TCF7L2: variants seen among roughly 807,000 people sequenced by gnomAD.
The protein encoded by TCF7L2 is transcription factor 7 like 2, also known as transcription factor 7-like 2.
TCF7L2 carries 23 observed loss-of-function variants against 77.9 expected under a neutral mutation model. The ratio of observed to expected loss-of-function variants is 0.30; its 90% CI spans 0.21 to 0.42. The LOEUF (loss-of-function observed/expected upper bound fraction) is 0.42. TCF7L2 is among the 10% of genes least tolerant of loss of function. The probability of loss-of-function intolerance (pLI) is 1.00; values close to 1 mark genes in which losing one functional copy is unlikely to be tolerated. For missense variants in TCF7L2, 654 were observed against 793.1 expected (o/e 0.82, Z 2.11); for synonymous variants, 413 against 340.2 (o/e 1.21, Z -2.36).
chr10:112,986,870 C>T (rs774769484), intron 4 of TCF7L2, among the ~76,000 whole-genome samples: 68 of 152,234 alleles, frequency 4.5e-4, no homozygotes, highest in Non-Finnish European at 8.2e-4. Context: ...AATTTTAATA[C>T]CTGGACCTGA....
At chr10:112,967,879 C>T (rs2037358432) in intron 4 of TCF7L2, among the ~76,000 whole-genome samples, 1 of 152,198 alleles carries the variant, frequency 6.6e-6, no homozygotes, top group East Asian at 1.9e-4. Flanking sequence ...AGGTGATCCT[C>T]CTGCCTCGGC....
At chr10:112,973,226 C>T (rs1001170103) in intron 4 of TCF7L2, among the ~76,000 whole-genome samples, 3 of 152,190 alleles carry the variant, frequency 2.0e-5, no homozygotes, top group Admixed American at 2.0e-4. Context: ...TGGAACGGGT[C>T]CTGACATTTG....
At chr10:113,095,028 C>G (rs558863386) in intron 5 of TCF7L2, among the ~76,000 whole-genome samples, 1 of 152,250 alleles carries the variant, frequency 6.6e-6, no homozygotes, top group South Asian at 2.1e-4. Context: ...ATCGCTTGAA[C>G]CTGGGAGGCA....
chr10:113,081,532 T>G (rs1240722153), intron 5 of TCF7L2, among the ~76,000 whole-genome samples: 1 of 152,224 alleles, frequency 6.6e-6, no homozygotes, highest in African/African-American at 2.4e-5. Flanking sequence ...TCAACTCCTG[T>G]TCTCTCAAAG....
At chr10:112,966,185 TA>T (rs1564721918) in intron 4 of TCF7L2, among the ~76,000 whole-genome samples, 2,722 of 7,702 alleles carry the variant, frequency 0.35, 201 homozygotes, top group Admixed American at 0.39. Flanking sequence ...AAAATATATT[TA>T]TATATATATA....
chr10:113,158,806 G>C lies in TCF7L2; in HGVS notation c.1318+737G>C, dbSNP rs766467047. ...TATAGTTTTATTAACATTTAAACAC[G>C]TATGACATTTGAACATTCTTTAAAA... On this transcript the variant is annotated intron_variant, in intron 12 of 13. Transcript: ENST00000627217. 3.8e-6 allele frequency: 5 copies of C among 1,327,780 alleles called. No homozygotes were observed. The African/African-American group carries it at 7.5e-5, about 20-fold the overall frequency. 82.2% of individuals were successfully genotyped at this position (1,327,780 alleles called of 1,614,324 possible).
chr10:113,087,207 T>TA (rs369521771), intron 5 of TCF7L2, among the ~76,000 whole-genome samples: 1 of 152,196 alleles, frequency 6.6e-6, no homozygotes, highest in South Asian at 2.1e-4. Context: ...AACATTTCCA[T>TA]AATGTACAAT....
At chr10:113,068,119 G>A (rs1274474847) in intron 5 of TCF7L2, among the ~76,000 whole-genome samples, 2 of 152,064 alleles carry the variant, frequency 1.3e-5, no homozygotes, top group East Asian at 1.9e-4. Context: ...TATTAAACCC[G>A]CTTAGGAGAT....
At chr10:113,010,443 T>C (rs1435536240) in intron 4 of TCF7L2, among the ~76,000 whole-genome samples, 1 of 152,146 alleles carries the variant, frequency 6.6e-6, no homozygotes, top group Non-Finnish European at 1.5e-5. Flanking sequence ...AATCACCGTA[T>C]GAGGATAGTA....
chr10:113,000,970 G>A (rs1391886923), intron 4 of TCF7L2, among the ~76,000 whole-genome samples: 2 of 152,278 alleles, frequency 1.3e-5, no homozygotes, highest in Admixed American at 1.3e-4. Context: ...ATCTTTATGT[G>A]TGAACAGGGT....
intron 4 of TCF7L2, among the ~76,000 whole-genome samples, chr10:112,968,155 C>T (rs938012554): frequency 2.0e-5 from 3 of 152,270 alleles, no homozygotes; most frequent in Middle Eastern, 3.4e-3. Context: ...GGGCCAGACA[C>T]TAAATGTTTT....
chr10:112,976,876 A>G (rs138049083), intron 4 of TCF7L2, among the ~76,000 whole-genome samples: 2 of 152,278 alleles, frequency 1.3e-5, no homozygotes, highest in East Asian at 1.9e-4. Flanking sequence ...GGCATCATCC[A>G]AACAGTGGTA....
chr10:112,962,626 C>A (rs2035550901), intron 3 of TCF7L2, among the ~76,000 whole-genome samples: 1 of 152,104 alleles, frequency 6.6e-6, no homozygotes, highest in Admixed American at 6.6e-5. Flanking sequence ...GAGATGGAGT[C>A]TCACTCTTAC....
intron 11 of TCF7L2, among the ~76,000 whole-genome samples, chr10:113,155,614 A>T (rs1227158028): frequency 6.6e-6 from 1 of 152,260 alleles, no homozygotes; most frequent in Non-Finnish European, 1.5e-5. Flanking sequence ...ATGCCTTCAC[A>T]GTATATTGCA....
chr10:112,975,873 G>C (rs1289102413), intron 4 of TCF7L2, among the ~76,000 whole-genome samples: 1 of 152,200 alleles, frequency 6.6e-6, no homozygotes, highest in African/African-American at 2.4e-5. Flanking sequence ...AATATCTCTA[G>C]ACATTGCTGC....
intron 11 of TCF7L2, among the ~76,000 whole-genome samples, chr10:113,154,392 TACC>T (rs2071409409): frequency 6.6e-6 from 1 of 152,180 alleles, no homozygotes; most frequent in Non-Finnish European, 1.5e-5. Flanking sequence ...TCTAGAATGA[TACC>T]ACAGAGCGGA....
chr10:113,091,578 G>A (rs368442810), intron 5 of TCF7L2, among the ~76,000 whole-genome samples: 9 of 152,160 alleles, frequency 5.9e-5, no homozygotes, highest in African/African-American at 9.7e-5. Flanking sequence ...TTAGCCAGGC[G>A]TGGTGGCGCG....
At chr10:113,034,607 C>T (rs900679585) in intron 4 of TCF7L2, among the ~76,000 whole-genome samples, 20 of 152,110 alleles carry the variant, frequency 1.3e-4, no homozygotes, top group South Asian at 2.1e-4. Context: ...CCAATTAATT[C>T]GATTTTTTTG....
chr10:112,970,391 A>C (rs1291563873), intron 4 of TCF7L2, among the ~76,000 whole-genome samples: 1 of 151,674 alleles, frequency 6.6e-6, no homozygotes, highest in Non-Finnish European at 1.5e-5. Flanking sequence ...ACCATGAATC[A>C]GTAAGGCCAC....
Sources: allele counts gnomAD v4.1 joint callset (sites outside exome capture counted in the v4.1 genomes callset), GRCh38; gene constraint gnomAD v4.1.1; transcripts MANE v1.5; gene names NCBI Gene and HGNC (gene_info 2026-07-23, HGNC 2026-07-21).